Variants in SIX4 observed in about 807,000 individuals in gnomAD.
SIX4 encodes SIX homeobox 4, also known as homeobox protein SIX4.
A neutral mutation model predicts 51.5 loss-of-function variants in SIX4; 23 were observed. The observed-to-expected ratio is 0.45, with a 90% confidence interval of 0.32 to 0.63. SIX4 has a LOEUF of 0.63. SIX4 is among the 30% of genes least tolerant of loss of function. The pLI, the probability that SIX4 is intolerant of heterozygous loss-of-function variation, is 0.04. For synonymous variants in SIX4, 413 were observed against 417.3 expected, an observed-to-expected ratio of 0.99 and a Z score of 0.13; for missense variants, 867 against 984.0, an observed-to-expected ratio of 0.88 and a Z score of 1.59.
rs1008982490 is a variant in SIX4 at position 60,710,171 on chromosome 14, C to T, written c.*3236G>A. On this transcript the variant is annotated 3_prime_UTR_variant, in exon 3 of 3. Transcript: ENST00000216513. ...TAGCAGGGCAGGCTGCCACACATGC[C>T]CAATAATCCAACTTTTAACATGCAA... 5.9e-5 allele frequency: 9 copies of T among 152,454 alleles called. No homozygotes were observed. Among genetic ancestry groups the T allele is most frequent in the African/African-American group, 2.2e-4 (9 of 41,386 alleles). 9.4% of individuals were successfully genotyped at this position (152,454 alleles called of 1,614,324 possible). A position where few individuals can be genotyped will look rare whatever the true frequency, so the allele number is the denominator to read the frequency against.
Position 60,717,473 on chromosome 14 carries a change from T to G in SIX4, c.1549+2287A>C, listed in dbSNP as rs1195221141. Among the ~76,000 whole-genome samples the G allele has an allele frequency of 6.6e-6, 1 of 152,242 alleles. No homozygotes were observed. Among genetic ancestry groups the G allele is most frequent in the Non-Finnish European group, 1.5e-5 (1 of 68,048 alleles). ...GTTTATGAAATTGTTTGCCAATGTA[T>G]GCATGAACAAAATGATTAGTTATCT... On this transcript the variant is annotated intron_variant, in intron 2 of 2. Coordinates refer to ENST00000216513, the MANE Select transcript of SIX4 (RefSeq NM_017420.5). This position sits in a 1 kb window ranked among gnomAD's most constrained non-coding sequence, Gnocchi z 4.6.
In SIX4 at chr14:60,719,999, C is replaced by T. The variant is rs758490488; in HGVS notation, c.1310G>A (p.Ser437Asn). 6.2e-7 allele frequency: 1 copy of T among 1,614,226 alleles called. No individual in the cohort carries two copies. The highest frequency in any genetic ancestry group is 8.5e-7 in the Non-Finnish European group (1 of 1,180,040). The change falls in exon 2 of 3, where the codon AGC becomes AAC. Residue 437 changes from serine (S) to asparagine (N), a missense_variant. Ser to Asn is a conservative substitution (Grantham distance 46, BLOSUM62 1). Transcript: ENST00000216513. This position sits in a 1 kb window ranked among gnomAD's most constrained non-coding sequence, Gnocchi z 4.9. ...TGGGAATGAGACAGGGACACTGGGG[C>T]TGTAGGACGTGGTGGTTGCTGAGTT... Reference protein sequence around the residue: ...SANSATTTSYSPSVPVSFPGL... With the variant: ...SANSATTTSYNPSVPVSFPGL...
chr14:60,722,974 C>A lies in SIX4; in HGVS notation c.863+238G>T. On this transcript the variant is annotated intron_variant, in intron 1 of 2. Transcript: ENST00000216513. This position sits in a 1 kb window ranked among gnomAD's most constrained non-coding sequence, Gnocchi z 5.9. Reference sequence around the variant, plus strand: ...GGGCGGGGACTGAGACCTAGGCGGGCGACCAGAAACTTCTGGGGGGAGAGG... The same window carrying A: ...GGGCGGGGACTGAGACCTAGGCGGGAGACCAGAAACTTCTGGGGGGAGAGG... 2 of 733,488 alleles carry A rather than the reference C, an allele frequency of 2.7e-6. No individual in the cohort carries two copies. Among genetic ancestry groups the A allele is most frequent in the South Asian group, 4.5e-5 (2 of 44,766 alleles). The allele number at this position is 733,488 out of a possible 1,614,324, so 45.4% of individuals were successfully genotyped here. A position where few individuals can be genotyped will look rare whatever the true frequency, so the allele number is the denominator to read the frequency against.
intron 1 of SIX4, among the ~76,000 whole-genome samples, chr14:60,721,971 G>T (rs571512154): frequency 6.6e-6 from 1 of 152,218 alleles, no homozygotes; most frequent in African/African-American, 2.4e-5. Context: ...GGCGAGGAAC[G>T]CCGGAGCCCG....
In SIX4 at chr14:60,721,790, G is replaced by A. The variant is rs7160166; in HGVS notation, c.864-1345C>T. Among the ~76,000 whole-genome samples the A allele has an allele frequency of 3.2e-3, 490 of 152,366 alleles. 5 individuals are homozygous for A. Among genetic ancestry groups the A allele is most frequent in the African/African-American group, 0.011 (469 of 41,598 alleles). ...CCCTGCGGATTCCGTTGGTTTCCGA[G>A]CGCGGGATCCGCGGCCTCTAGTGGG... On this transcript the variant is annotated intron_variant, in intron 1 of 2. Coordinates refer to ENST00000216513, the MANE Select transcript of SIX4 (RefSeq NM_017420.5).
At position 60,719,781 on chromosome 14, in the gene SIX4, CAG is replaced by C. The variant is rs1427360691; in HGVS notation, c.1526_1527del (p.Pro509ArgfsTer9). The C allele has an allele frequency of 1.9e-6, 3 of 1,613,998 alleles. No individual in the cohort carries two copies. The highest frequency in any genetic ancestry group is 1.1e-5 in the South Asian group (1 of 91,034). ...TTACCTTGTGAAGCTGCCACTGACA[CAG>C]GGGGCAGCTGCAGTGGAGAGAATCC... ...SIGFSPLQLP[P>X]VSVAASQGNI... On this transcript the variant is annotated frameshift_variant, in exon 2 of 3. Coordinates refer to ENST00000216513, the MANE Select transcript of SIX4 (RefSeq NM_017420.5). LOFTEE classifies it high-confidence loss of function. The surrounding 1 kb of genome is among the most constrained non-coding windows in gnomAD (Gnocchi z 4.9).
In SIX4 at chr14:60,710,644, A is replaced by C. The variant is rs543756048; in HGVS notation, c.*2763T>G. On this transcript the variant is annotated 3_prime_UTR_variant, in exon 3 of 3. Transcript: ENST00000216513. ...AGGGAAATTCTGCCACATGACTCCA[A>C]GGGTTCTGAGTCTGGCCCTTGGTAT... The C allele has an allele frequency of 5.9e-5, 9 of 152,744 alleles. No individual in the cohort carries two copies. The highest frequency in any genetic ancestry group is 2.2e-4 in the African/African-American group (9 of 41,568). 9.5% of individuals were successfully genotyped at this position (152,744 alleles called of 1,614,324 possible). A position where few individuals can be genotyped will look rare whatever the true frequency, so the allele number is the denominator to read the frequency against.
chr14:60,710,429 T>C lies in SIX4; in HGVS notation c.*2978A>G, dbSNP rs1895800206. 6.6e-6 allele frequency: 1 copy of C among 152,620 alleles called. No homozygotes were observed. The highest frequency in any genetic ancestry group is 1.5e-5 in the Non-Finnish European group (1 of 68,038). The allele number at this position is 152,620 out of a possible 1,614,324, so 9.5% of individuals were successfully genotyped here. A position where few individuals can be genotyped will look rare whatever the true frequency, so the allele number is the denominator to read the frequency against. Reference sequence around the variant, plus strand: ...CACCTTCTCTTTAAACAATAGACTGTCCTTTACTAGATTTAACTAAGAGCT... The same window carrying C: ...CACCTTCTCTTTAAACAATAGACTGCCCTTTACTAGATTTAACTAAGAGCT... On this transcript the variant is annotated 3_prime_UTR_variant, in exon 3 of 3. Coordinates refer to ENST00000216513, the MANE Select transcript of SIX4 (RefSeq NM_017420.5).
chr14:60,722,184 A>G lies in SIX4; in HGVS notation c.863+1028T>C, dbSNP rs1896034015. 6.6e-6 allele frequency among the ~76,000 whole-genome samples: 1 copy of G among 152,116 alleles called. No individual in the cohort carries two copies. The highest frequency in any genetic ancestry group is 1.5e-5 in the Non-Finnish European group (1 of 68,036). On this transcript the variant is annotated intron_variant, in intron 1 of 2. Transcript: ENST00000216513. This position sits in a 1 kb window ranked among gnomAD's most constrained non-coding sequence, Gnocchi z 5.9. ...GCTGGAGACACCAGGTCTTTAGGCG[A>G]CCTTCTCCTTACTTTGTTTCGTCCA...
At position 60,724,349 on chromosome 14, in the gene SIX4, G is replaced by T; in HGVS notation, c.-275C>A. ...CTCCTCCGGTTGCTGCATACTATAT[G>T]GCAGTGGCGGCCGGGCCGGCCCGGC... On this transcript the variant is annotated 5_prime_UTR_variant, in exon 1 of 3. Coordinates refer to ENST00000216513, the MANE Select transcript of SIX4 (RefSeq NM_017420.5). 7.0e-6 allele frequency: 10 copies of T among 1,420,610 alleles called. No individual in the cohort carries two copies. The South Asian group carries it at 7.3e-5, about 10-fold the overall frequency. The allele number at this position is 1,420,610 out of a possible 1,614,324, so 88.0% of individuals were successfully genotyped here.
intron 2 of SIX4, among the ~76,000 whole-genome samples, chr14:60,714,441 A>G (rs1275174906): frequency 6.6e-6 from 1 of 152,118 alleles, no homozygotes; most frequent in Non-Finnish European, 1.5e-5. Flanking sequence ...CTCTCCAAGT[A>G]AATATATATA....
In SIX4 at chr14:60,711,344, G is replaced by A. The variant is rs1418890761; in HGVS notation, c.*2063C>T. ...GTAGTTCTTTATCAAAATGATGGGA[G>A]AGGAATTCTTCATAGGGTTCTTGAT... On this transcript the variant is annotated 3_prime_UTR_variant, in exon 3 of 3. Coordinates refer to ENST00000216513, the MANE Select transcript of SIX4 (RefSeq NM_017420.5). 1 of 152,164 alleles carries A rather than the reference G, an allele frequency of 6.6e-6. No homozygotes were observed. The highest frequency in any genetic ancestry group is 2.4e-5 in the African/African-American group (1 of 41,448). 9.4% of individuals were successfully genotyped at this position (152,164 alleles called of 1,614,324 possible).
rs900635757 is a variant in SIX4, at chr14:60,722,713, C to G, written c.863+499G>C. ...CGACCTCCAGCGCAGGCCCGGGGGG[C>G]GGCTGAACCCTGGGGATCCGGGAGC... is the stretch of plus-strand genomic sequence containing the variant. On this transcript the variant is annotated intron_variant, in intron 1 of 2. Coordinates refer to ENST00000216513, the MANE Select transcript of SIX4 (RefSeq NM_017420.5). This position sits in a 1 kb window ranked among gnomAD's most constrained non-coding sequence, Gnocchi z 5.9. Among the ~76,000 whole-genome samples, 1 of 152,032 alleles carries G rather than the reference C, an allele frequency of 6.6e-6. No individual in the cohort carries two copies. Among genetic ancestry groups the G allele is most frequent in the Non-Finnish European group, 1.5e-5 (1 of 67,974 alleles).
rs900971619 is a variant in SIX4 at position 60,724,218 on chromosome 14, A to T, written c.-144T>A. 84 of 1,547,978 alleles carry T rather than the reference A, an allele frequency of 5.4e-5. No homozygotes were observed. Among genetic ancestry groups the T allele is most frequent in the Non-Finnish European group, 7.0e-5 (81 of 1,153,984 alleles). On this transcript the variant is annotated 5_prime_UTR_variant, in exon 1 of 3. Transcript: ENST00000216513. ...CTCCCTCCCTCCTGGTTTCGGCTGT[A>T]TCTGGCCGATCAGGTTTCCCCCCGG...
chr14:60,721,071 G>A (rs969066362), intron 1 of SIX4: 1 of 985,708 alleles, frequency 1.0e-6, no homozygotes, highest in Non-Finnish European at 1.2e-6. Flanking sequence ...TTCAACCCAA[G>A]AACAGTTATG....
At position 60,720,853 on chromosome 14, in the gene SIX4, C is replaced by T; in HGVS notation, c.864-408G>A. On this transcript the variant is annotated intron_variant, in intron 1 of 2. Coordinates refer to ENST00000216513, the MANE Select transcript of SIX4 (RefSeq NM_017420.5). The surrounding 1 kb of genome is among the most constrained non-coding windows in gnomAD (Gnocchi z 5.5). ...TCTTTCCTGTTTAGGAACTCCTTCC[C>T]CTCCCCTCAAACCAATTCAGATTAG... is the stretch of plus-strand genomic sequence containing the variant. 1 of 678,854 alleles carries T rather than the reference C, an allele frequency of 1.5e-6. No individual in the cohort carries two copies. Among genetic ancestry groups the T allele is most frequent in the Non-Finnish European group, 1.8e-6 (1 of 544,546 alleles). The allele number at this position is 678,854 out of a possible 1,614,324, so 42.1% of individuals were successfully genotyped here.
chr14:60,722,931 A>C lies in SIX4; in HGVS notation c.863+281T>G. The C allele has an allele frequency of 8.0e-6, 3 of 374,198 alleles. No individual in the cohort carries two copies. Among genetic ancestry groups the C allele is most frequent in the Admixed American group, 6.8e-5 (1 of 14,774 alleles). 23.2% of individuals were successfully genotyped at this position (374,198 alleles called of 1,614,324 possible). ...GGATGGGGGTGGGAAGCTGGGCAGC[A>C]GTGACCAGCCGAGGTGGGGGCGGGG... On this transcript the variant is annotated intron_variant, in intron 1 of 2. Transcript: ENST00000216513. This position sits in a 1 kb window ranked among gnomAD's most constrained non-coding sequence, Gnocchi z 5.9.
chr14:60,719,609 A>G lies in SIX4; in HGVS notation c.1549+151T>C. ...GGATATGACATGGGTATTGTGAAAG[A>G]GGAGAATCACATCAAGGCTACTCTA... On this transcript the variant is annotated intron_variant, in intron 2 of 2. Coordinates refer to ENST00000216513, the MANE Select transcript of SIX4 (RefSeq NM_017420.5). The surrounding 1 kb of genome is among the most constrained non-coding windows in gnomAD (Gnocchi z 4.9). 1 of 750,246 alleles carries G rather than the reference A, an allele frequency of 1.3e-6. No homozygotes were observed. Among genetic ancestry groups the G allele is most frequent in the Non-Finnish European group, 2.1e-6 (1 of 474,794 alleles). The allele number at this position is 750,246 out of a possible 1,614,324, so 46.5% of individuals were successfully genotyped here.
At position 60,720,297 on chromosome 14, in the gene SIX4, T is replaced by A. The variant is rs1253654769; in HGVS notation, c.1012A>T (p.Asn338Tyr). 21 of 1,614,068 alleles carry A rather than the reference T, an allele frequency of 1.3e-5. No individual in the cohort carries two copies. Among genetic ancestry groups the A allele is most frequent in the Non-Finnish European group, 1.8e-5 (21 of 1,180,044 alleles). The change falls in exon 2 of 3, where the codon AAT (asparagine) becomes TAT (tyrosine). Residue 338 changes from asparagine (N) to tyrosine (Y), a missense_variant. By Grantham distance (143) the Asn-to-Tyr change is moderately radical. Coordinates refer to ENST00000216513, the MANE Select transcript of SIX4 (RefSeq NM_017420.5). The surrounding 1 kb of genome is among the most constrained non-coding windows in gnomAD (Gnocchi z 5.5). ...MEPVYMQQIG[N>Y]AKISLSSSGV... is the part of the protein sequence containing the mutation. Reference sequence around the variant, plus strand: ...GAAGAGCTTAATGATATCTTAGCATTTCCAATTTGTTGCATATATACTGGC... The same window carrying A: ...GAAGAGCTTAATGATATCTTAGCATATCCAATTTGTTGCATATATACTGGC...
Sources: allele counts gnomAD v4.1 joint callset (sites outside exome capture counted in the v4.1 genomes callset), GRCh38; gene constraint gnomAD v4.1.1; non-coding constraint Gnocchi (gnomAD v3.1); transcripts MANE v1.5; gene names NCBI Gene and HGNC (gene_info 2026-07-23, HGNC 2026-07-21).